TTC14: variants seen among roughly 807,000 people sequenced by gnomAD.
The protein encoded by TTC14 is tetratricopeptide repeat domain 14, also known as tetratricopeptide repeat protein 14.
In TTC14, 63 loss-of-function variants were observed where a neutral mutation model predicts 79.9. The ratio of observed to expected loss-of-function variants is 0.79; its 90% CI spans 0.64 to 0.97. The LOEUF is 0.97. TTC14 is among the 50% of genes least tolerant of loss of function. The pLI is 0.00. For synonymous variants in TTC14, 335 were observed against 309.6 expected, an observed-to-expected ratio of 1.08 and a Z score of -0.86; for missense variants, 895 against 894.0, an observed-to-expected ratio of 1.00 and a Z score of -0.01.
Position 180,602,555 on chromosome 3 carries a change from C to T in TTC14, c.161+133C>T, listed in dbSNP as rs1409373154. The T allele has an allele frequency of 2.4e-6, 3 of 1,269,990 alleles. No individual in the cohort carries two copies. The African/African-American group carries it at 4.5e-5, about 19-fold the overall frequency. 78.7% of individuals were successfully genotyped at this position (1,269,990 alleles called of 1,614,324 possible). A position where few individuals can be genotyped will look rare whatever the true frequency, so the allele number is the denominator to read the frequency against. On this transcript the variant is annotated intron_variant, in intron 1 of 11. Coordinates refer to ENST00000296015, the MANE Select transcript of TTC14 (RefSeq NM_133462.4). ...GCACAGGACGATCGCGCGCTGGTGT[C>T]TTGGGCTGGGTGGACGGGGGGCGCT...
At chr3:180,609,597 G>A (rs531052850) in intron 11 of TTC14, 33 bp from the exon 12 acceptor site, 154 of 1,479,328 alleles carry the variant, frequency 1.0e-4, no homozygotes, top group Middle Eastern at 4.2e-4. Flanking sequence ...AAACATTTTT[G>A]TATATATATG....
rs750151635 is a variant in TTC14, at chr3:180,607,949, C to T, written c.1290+184C>T. ...TAGTGCCTCTGTTTTTGTCCATAATCGAAAGTAAAGATAGCTGTGAGAAAA... is the reference window on the plus strand; with the variant it reads ...TAGTGCCTCTGTTTTTGTCCATAATTGAAAGTAAAGATAGCTGTGAGAAAA... On this transcript the variant is annotated intron_variant, in intron 10 of 11. Transcript: ENST00000296015. 7.5e-6 allele frequency: 10 copies of T among 1,341,484 alleles called. No individual in the cohort carries two copies. The East Asian group carries it at 8.7e-5, about 12-fold the overall frequency. The allele number at this position is 1,341,484 out of a possible 1,614,324, so 83.1% of individuals were successfully genotyped here.
At chr3:180,609,328 C>T in intron 11 of TTC14, 1 of 1,056,568 alleles carries the variant, frequency 9.5e-7, no homozygotes, top group Non-Finnish European at 1.1e-6. Flanking sequence ...TAGAGGTAGC[C>T]AAATAAAAAA....
Position 180,610,719 on chromosome 3 carries a change from G to T in TTC14, c.*177G>T. On this transcript the variant is annotated 3_prime_UTR_variant, in exon 12 of 12. Transcript: ENST00000296015. ...ATTTTGTTTCAGTTCTAGGTCCCTT[G>T]TCACAGCTTGGTTTTTAGACTTTTT... 1.5e-6 allele frequency: 2 copies of T among 1,329,408 alleles called. No individual in the cohort carries two copies. Among genetic ancestry groups the T allele is most frequent in the Non-Finnish European group, 1.9e-6 (2 of 1,042,200 alleles). 82.4% of individuals were successfully genotyped at this position (1,329,408 alleles called of 1,614,324 possible). A position where few individuals can be genotyped will look rare whatever the true frequency, so the allele number is the denominator to read the frequency against.
chr3:180,602,868 A>G (rs749980160), intron 1 of TTC14, 23 bp from the exon 2 acceptor site: 3 of 1,592,330 alleles, frequency 1.9e-6, no homozygotes, highest in Non-Finnish European at 2.6e-6. Context: ...CCCAATTTTC[A>G]TATATATTTT....
chr3:180,615,951 TCCC>T (rs1464765042), downstream of TTC14, among the ~76,000 whole-genome samples: 1 of 152,140 alleles, frequency 6.6e-6, no homozygotes. Flanking sequence ...TTAAAAAAAT[TCCC>T]CCAACTTGGG....
Position 180,610,143 on chromosome 3 carries a change from G to T in TTC14, c.1914G>T (p.Glu638Asp). Reference sequence around the variant, plus strand: ...CAGATTCCTTCTGTAGGAATTCAGAGGACAAGATTTATGGTTATAGGAGAT... The same window carrying T: ...CAGATTCCTTCTGTAGGAATTCAGATGACAAGATTTATGGTTATAGGAGAT... ...NSSDSFCRNS[E>D]DKIYGYRRFE... The change falls in exon 12 of 12, where the codon GAG (glutamate) becomes GAT (aspartate). Residue 638 changes from glutamate to aspartate, a missense_variant. Transcript: ENST00000296015. 1 of 1,612,656 alleles carries T rather than the reference G, an allele frequency of 6.2e-7. No homozygotes were observed. The highest frequency in any genetic ancestry group is 1.1e-5 in the South Asian group (1 of 90,840).
intron 10 of TTC14, 115 bp downstream of exon 10, chr3:180,607,880 C>T: frequency 6.7e-7 from 1 of 1,497,004 alleles, no homozygotes; most frequent in South Asian, 1.3e-5. Context: ...TGAAAAGTTT[C>T]TTTTTAGGTA....
At chr3:180,608,246 A>G (rs998294527) in intron 10 of TTC14, 5 of 989,376 alleles carry the variant, frequency 5.1e-6, no homozygotes, top group Admixed American at 1.2e-4. Context: ...CATGCATCCA[A>G]CTGGGCTGTG....
At chr3:180,605,432 C>T (rs565746491) in intron 6 of TTC14, 18 of 219,526 alleles carry the variant, frequency 8.2e-5, no homozygotes, top group Admixed American at 2.9e-4. Context: ...CCCGCCACCA[C>T]GCCTGGCTAA....
chr3:180,616,213 A>C, intron 12 of TTC14: 1 of 1,332,784 alleles, frequency 7.5e-7, no homozygotes, highest in Non-Finnish European at 1.1e-6. Context: ...GGTGATGTAG[A>C]AGTGGCTGGA....
At chr3:180,614,756 CAGT>C (rs541439318), downstream of TTC14, 631 of 570,542 alleles carry the variant, frequency 1.1e-3, 4 homozygotes, top group South Asian at 7.2e-3. Flanking sequence ...ATGAAGAAAA[CAGT>C]AGAGAAAATG....
intron 7 of TTC14, 120 bp downstream of exon 7, chr3:180,605,957 C>T (rs1411071909): frequency 1.9e-6 from 2 of 1,039,336 alleles, no homozygotes; most frequent in Non-Finnish European, 2.8e-6. Flanking sequence ...GCCTTTTTGA[C>T]ATGAGCTTTT....
At chr3:180,604,433 C>A in intron 4 of TTC14, 45 bp from the exon 5 acceptor site, 1 of 1,559,390 alleles carries the variant, frequency 6.4e-7, no homozygotes, top group East Asian at 2.3e-5. Flanking sequence ...TGTTAGTTTA[C>A]ATTTTCTTAC....
downstream of TTC14, among the ~76,000 whole-genome samples, chr3:180,612,453 C>T (rs973438545): frequency 6.6e-6 from 1 of 152,140 alleles, no homozygotes; most frequent in Non-Finnish European, 1.5e-5. Context: ...AGGCAGAATT[C>T]ATGATTCAGA....
rs1443644955 is a variant in TTC14, at chr3:180,616,706, ATAAT to A, written c.1775-673_1775-670del. The A allele has an allele frequency of 1.9e-6, 3 of 1,581,840 alleles. No homozygotes were observed. In the South Asian group the frequency reaches 3.5e-5, roughly 18 times the overall value. ...TGTGAGTTTTGCACACTGTTGGTAA[ATAAT>A]AGTCAATTATTCTATAAACGTGTTT... On this transcript the variant is annotated intron_variant, in intron 12 of 12. Coordinates refer to the TTC14 transcript ENST00000382584.
chr3:180,607,604 TTTG>T, intron 9 of TTC14, 41 bp from the exon 10 acceptor site: 2 of 1,579,476 alleles, frequency 1.3e-6, no homozygotes, highest in Non-Finnish European at 1.7e-6. Context: ...TTTGGATAGT[TTTG>T]TTGTTTTTAC....
Position 180,604,925 on chromosome 3 carries a change from A to G in TTC14, c.775A>G (p.Asn259Asp). The G allele has an allele frequency of 6.2e-7, 1 of 1,614,054 alleles. No homozygotes were observed. Among genetic ancestry groups the G allele is most frequent in the Non-Finnish European group, 8.5e-7 (1 of 1,179,992 alleles). ...CATGCAGAGTTCCTTGGGATTTGTT[A>G]ATCCAGGAGTAGTTGAATTCCTTCT... ...NVMQSSLGFV[N>D]PGVVEFLLEK... The change falls in exon 6 of 12, where the codon AAT becomes GAT. Residue 259 changes from asparagine (N) to aspartate (D), a missense_variant. Asn to Asp is a conservative substitution (Grantham distance 23). Transcript: ENST00000296015.
At chr3:180,615,153 G>T, downstream of TTC14, 3 of 1,095,892 alleles carry the variant, frequency 2.7e-6, no homozygotes, top group South Asian at 1.7e-5. Context: ...ATTGGCAAAA[G>T]GTACCATAAT....
Sources: allele counts gnomAD v4.1 joint callset (sites outside exome capture counted in the v4.1 genomes callset), GRCh38; gene constraint gnomAD v4.1.1; transcripts MANE v1.5; gene names NCBI Gene and HGNC (gene_info 2026-07-23, HGNC 2026-07-21).